Variants in MTA3 observed in about 807,000 individuals in gnomAD.
MTA3 encodes metastasis associated 1 family member 3, also known as metastasis-associated protein MTA3.
MTA3 carries 34 observed loss-of-function variants against 83.5 expected under a neutral mutation model. The observed-to-expected ratio is 0.41, with a 90% CI of 0.31 to 0.54. MTA3 has a LOEUF of 0.54. MTA3 is among the 20% of genes least tolerant of loss of function. The pLI, the probability that MTA3 is intolerant of heterozygous loss-of-function variation, is 0.33. For synonymous variants in MTA3, 303 were observed against 252.7 expected (o/e 1.20, Z -1.89); for missense variants, 761 against 726.4 (o/e 1.05, Z -0.55).
intron 6 of MTA3, among the ~76,000 whole-genome samples, chr2:42,650,818 C>T (rs1436728047): frequency 6.6e-6 from 1 of 152,080 alleles, no homozygotes; most frequent in African/African-American, 2.4e-5. Context: ...TAATCCTTTC[C>T]CTTATTTTAG....
In MTA3 at chr2:42,755,959, T is replaced by C; in HGVS notation, c.*2560T>C. 1 of 985,520 alleles carries C rather than the reference T, an allele frequency of 1.0e-6. No individual in the cohort carries two copies. 61.0% of individuals were successfully genotyped at this position (985,520 alleles called of 1,614,324 possible). ...CGACTGGAGGGTGTCGCCGGAAGGT[T>C]TCAGCCTGCCCTTCACAATTCCCCT... On this transcript the variant is annotated 3_prime_UTR_variant, in exon 17 of 17. Transcript: ENST00000405094.
intron 2 of MTA3, among the ~76,000 whole-genome samples, chr2:42,505,278 G>A (rs1674581149): frequency 6.6e-6 from 1 of 152,068 alleles, no homozygotes; most frequent in South Asian, 2.1e-4. Context: ...TGTAGTCCCA[G>A]CTACTCAGGA....
At chr2:42,679,705 C>T (rs995157944) in intron 8 of MTA3, among the ~76,000 whole-genome samples, 7 of 152,156 alleles carry the variant, frequency 4.6e-5, no homozygotes, top group Non-Finnish European at 1.0e-4. Flanking sequence ...TAAAGAATGG[C>T]TGTACTCGTT....
intron 3 of MTA3, among the ~76,000 whole-genome samples, chr2:42,603,967 T>G (rs1682914535): frequency 6.6e-6 from 1 of 152,244 alleles, no homozygotes; most frequent in African/African-American, 2.4e-5. Context: ...GCCAGGATGG[T>G]CTCGATCTCC....
intron 2 of MTA3, among the ~76,000 whole-genome samples, chr2:42,504,662 T>C (rs1300033553): frequency 6.6e-6 from 1 of 151,188 alleles, no homozygotes; most frequent in Non-Finnish European, 1.5e-5. Context: ...CCCTTTAAGC[T>C]TGCTTTTTTT....
chr2:42,687,858 C>T (rs914545735), intron 9 of MTA3, among the ~76,000 whole-genome samples: 76 of 152,078 alleles, frequency 5.0e-4, no homozygotes, highest in Admixed American at 5.0e-3. Flanking sequence ...CTCTATTTTC[C>T]CTAGGATCCC....
intron 14 of MTA3, among the ~76,000 whole-genome samples, chr2:42,718,347 A>G (rs1050342415): frequency 6.6e-6 from 1 of 151,652 alleles, no homozygotes; most frequent in East Asian, 2.0e-4. Flanking sequence ...TCCTGGGTTC[A>G]AGCAATTCTC....
intron 4 of MTA3, among the ~76,000 whole-genome samples, chr2:42,625,780 A>G (rs958201234): frequency 1.3e-5 from 2 of 150,996 alleles, no homozygotes; most frequent in African/African-American, 4.9e-5. Context: ...TGTTTTCTGA[A>G]CACAGTATCC....
Position 42,723,236 on chromosome 2 carries a change from T to C in MTA3, c.1759+201T>C, listed in dbSNP as rs191855024. ...TCTCCATCCCATCAGGAGGTACTTATTTGCTCCCATCTCCTGTTAGGAGGC... is the reference window on the plus strand; with the variant it reads ...TCTCCATCCCATCAGGAGGTACTTACTTGCTCCCATCTCCTGTTAGGAGGC... On this transcript the variant is annotated intron_variant, in intron 16 of 16. Transcript: ENST00000405094. 1.2e-3 allele frequency: 755 copies of C among 607,326 alleles called. 4 individuals are homozygous for C. The highest frequency in any genetic ancestry group is 7.1e-3 in the African/African-American group (381 of 53,928). The allele number at this position is 607,326 out of a possible 1,614,324, so 37.6% of individuals were successfully genotyped here.
intron 16 of MTA3, among the ~76,000 whole-genome samples, chr2:42,740,927 T>G (rs1668984161): frequency 6.6e-6 from 1 of 152,258 alleles, no homozygotes; most frequent in Admixed American, 6.5e-5. Flanking sequence ...TTTGAAGCTT[T>G]GAAGGCATTG....
intron 2 of MTA3, among the ~76,000 whole-genome samples, chr2:42,498,341 C>G (rs1674239063): frequency 6.6e-6 from 1 of 152,130 alleles, no homozygotes. Flanking sequence ...AGAAGGTGTT[C>G]AGAAGACCAC....
chr2:42,723,695 G>C (rs76753082), intron 16 of MTA3, among the ~76,000 whole-genome samples: 1 of 152,110 alleles, frequency 6.6e-6, no homozygotes, highest in Non-Finnish European at 1.5e-5. Context: ...GGCAGTATAT[G>C]TTCTTCATTT....
At chr2:42,607,516 C>G in intron 3 of MTA3, among the ~76,000 whole-genome samples, 1 of 152,024 alleles carries the variant, frequency 6.6e-6, no homozygotes, top group East Asian at 1.9e-4. Context: ...GTAGCTGGGA[C>G]CATGGGCTTG....
intron 11 of MTA3, among the ~76,000 whole-genome samples, chr2:42,699,163 C>T (rs988430740): frequency 3.9e-5 from 6 of 152,180 alleles, no homozygotes; most frequent in Non-Finnish European, 4.4e-5. Flanking sequence ...CAAGCCAAAT[C>T]TGACCTACTG....
At chr2:42,670,259 C>CAA (rs796900270) in intron 8 of MTA3, among the ~76,000 whole-genome samples, 488 of 105,320 alleles carry the variant, frequency 4.6e-3, no homozygotes, top group African/African-American at 0.016. Context: ...AACTCCGTGT[C>CAA]AAAAAAAAAA....
chr2:42,513,825 G>A, intron 2 of MTA3, among the ~76,000 whole-genome samples: 1 of 152,170 alleles, frequency 6.6e-6, no homozygotes, highest in East Asian at 1.9e-4. Flanking sequence ...CTTACACCTA[G>A]GAAAGCCCTG....
intron 4 of MTA3, among the ~76,000 whole-genome samples, chr2:42,622,095 T>G (rs1485431757): frequency 2.0e-5 from 3 of 152,136 alleles, no homozygotes; most frequent in Non-Finnish European, 4.4e-5. Flanking sequence ...ATCACGCCAC[T>G]GCACTCCAGC....
chr2:42,609,632 A>G, intron 4 of MTA3, 48 bp downstream of exon 4: 1 of 1,537,312 alleles, frequency 6.5e-7, no homozygotes, highest in African/African-American at 1.4e-5. Flanking sequence ...GGTGACCAAA[A>G]AACAAAAGAC....
At chr2:42,577,067 C>G (rs1365150086) in intron 2 of MTA3, among the ~76,000 whole-genome samples, 1 of 122,090 alleles carries the variant, frequency 8.2e-6, no homozygotes, top group African/African-American at 3.2e-5. Flanking sequence ...GCACTCAAGC[C>G]TGGCAACAGA....
Sources: allele counts gnomAD v4.1 joint callset (sites outside exome capture counted in the v4.1 genomes callset), GRCh38; gene constraint gnomAD v4.1.1; transcripts MANE v1.5; gene names NCBI Gene and HGNC (gene_info 2026-07-23, HGNC 2026-07-21).